Variants in CC2D2B observed in about 807,000 individuals in gnomAD.
CC2D2B encodes coiled-coil and C2 domain containing 2B.
In CC2D2B, 128 loss-of-function variants were observed where a neutral mutation model predicts 161.2. The ratio of observed to expected loss-of-function variants is 0.79; its 90% CI spans 0.69 to 0.92. The LOEUF is 0.92. CC2D2B is among the 40% of genes least tolerant of loss of function. The probability of loss-of-function intolerance (pLI) is 0.00; values close to 1 mark genes in which losing one functional copy is unlikely to be tolerated. For missense variants in CC2D2B, 1,173 were observed against 1,375.1 expected, an observed-to-expected ratio of 0.85 and a Z score of 2.32; for synonymous variants, 391 against 449.8, an observed-to-expected ratio of 0.87 and a Z score of 1.65.
chr10:95,975,420 G>T lies in CC2D2B; in HGVS notation c.1943+1264G>T, dbSNP rs952177563. 3.3e-5 allele frequency among the ~76,000 whole-genome samples: 5 copies of T among 152,218 alleles called. 1 individual carries two copies. Among genetic ancestry groups the T allele is most frequent in the Admixed American group, 3.3e-4 (5 of 15,294 alleles). On this transcript the variant is annotated intron_variant, in intron 17 of 34. Transcript: ENST00000646931. ...TATGGACGAAACTGACATAGTGGGGGTAGTTTACTTACCAAGGAGTTTGAC... is the reference window on the plus strand; with the variant it reads ...TATGGACGAAACTGACATAGTGGGGTTAGTTTACTTACCAAGGAGTTTGAC...
chr10:96,025,170 T>TAAAAAAAAAAAA (rs1564683762), intron 33 of CC2D2B, among the ~76,000 whole-genome samples: 10 of 19,308 alleles, frequency 5.2e-4, no homozygotes, highest in East Asian at 2.0e-3. Context: ...TATATATATA[T>TAAAAAAAAAAAA]ATATATATAT....
Position 95,938,033 on chromosome 10 carries a change from G to A in CC2D2B, c.379G>A (p.Val127Ile). The change falls in exon 7 of 35, where the codon GTT becomes ATT. Residue 127 changes from valine (V) to isoleucine (I), a missense_variant. Val to Ile is a conservative substitution (Grantham distance 29). Coordinates refer to ENST00000646931, the MANE Select transcript of CC2D2B (RefSeq NM_001349008.3). ...TTATCCCAAATGCTTTTCACTTGGTGTTAATTTACAAAATGTTGCTGAGAG... is the reference window on the plus strand; with the variant it reads ...TTATCCCAAATGCTTTTCACTTGGTATTAATTTACAAAATGTTGCTGAGAG... Reference protein sequence around the residue: ...RSYPKCFSLGVNLQNVAESEE... With the variant: ...RSYPKCFSLGINLQNVAESEE... The A allele has an allele frequency of 6.4e-7, 1 of 1,551,082 alleles. No individual in the cohort carries two copies. Among genetic ancestry groups the A allele is most frequent in the Non-Finnish European group, 8.7e-7 (1 of 1,146,558 alleles).
intron 18 of CC2D2B, among the ~76,000 whole-genome samples, chr10:95,982,680 TG>T (rs1165852352): frequency 2.0e-5 from 3 of 152,256 alleles, no homozygotes; most frequent in African/African-American, 7.2e-5. Flanking sequence ...CTTGCTTTCC[TG>T]TTAACCTTTC....
At chr10:95,933,789 G>A (rs1008634537) in intron 6 of CC2D2B, among the ~76,000 whole-genome samples, 5 of 152,232 alleles carry the variant, frequency 3.3e-5, no homozygotes, top group Middle Eastern at 3.4e-3. Context: ...AGATGCCAGC[G>A]GAGCTCTCCT....
chr10:96,003,402 A>T (rs1331886642), intron 24 of CC2D2B, among the ~76,000 whole-genome samples: 1 of 143,648 alleles, frequency 7.0e-6, no homozygotes, highest in Admixed American at 7.2e-5. Context: ...TGGGAAAGAG[A>T]ATAAATTCCG....
At chr10:95,927,687 T>C (rs1235610438) in intron 6 of CC2D2B, among the ~76,000 whole-genome samples, 2 of 151,152 alleles carry the variant, frequency 1.3e-5, no homozygotes, top group East Asian at 3.9e-4. Context: ...TGTTTTCTTT[T>C]TTCTTTCTTT....
rs1217537163 is a variant in CC2D2B, at chr10:96,032,783, C to CT, written c.*776dup. The CT allele has an allele frequency of 1.7e-5, 8 of 470,158 alleles. No individual in the cohort carries two copies. Among genetic ancestry groups the CT allele is most frequent in the South Asian group, 3.1e-5 (2 of 64,352 alleles). The allele number at this position is 470,158 out of a possible 1,614,324, so 29.1% of individuals were successfully genotyped here. ...ATTTGGAAGGAACTCCCAGGAAACT[C>CT]TAATTTCTCCCAATTCTGTGAGGGA... is the stretch of plus-strand genomic sequence containing the variant. On this transcript the variant is annotated 3_prime_UTR_variant, in exon 35 of 35. Coordinates refer to ENST00000646931, the MANE Select transcript of CC2D2B (RefSeq NM_001349008.3).
intron 17 of CC2D2B, among the ~76,000 whole-genome samples, chr10:95,981,750 G>A (rs554354298): frequency 9.9e-5 from 15 of 152,196 alleles, no homozygotes; most frequent in African/African-American, 3.6e-4. Context: ...TAAGGTTATT[G>A]TCTCTTATAA....
intron 16 of CC2D2B, among the ~76,000 whole-genome samples, chr10:95,972,838 C>T (rs2077182972): frequency 6.6e-6 from 1 of 151,940 alleles, no homozygotes; most frequent in South Asian, 2.1e-4. Context: ...AGTGAACCTA[C>T]AGGTGCTCGC....
rs1281249299 is a variant in CC2D2B at position 96,011,792 on chromosome 10, G to A, written c.3046-393G>A. ...ACACACACACAATTTCTCCTACTGTGGACCTCAGGGTTGTCTTTCTTGCTG... is the reference window on the plus strand; with the variant it reads ...ACACACACACAATTTCTCCTACTGTAGACCTCAGGGTTGTCTTTCTTGCTG... On this transcript the variant is annotated intron_variant, in intron 26 of 34. Transcript: ENST00000646931. 2.0e-5 allele frequency among the ~76,000 whole-genome samples: 3 copies of A among 151,626 alleles called. No homozygotes were observed. In the South Asian group the frequency reaches 6.2e-4, roughly 32 times the overall value.
chr10:96,008,668 T>C (rs2141835970), intron 25 of CC2D2B, among the ~76,000 whole-genome samples: 1 of 152,282 alleles, frequency 6.6e-6, no homozygotes, highest in South Asian at 2.1e-4. Flanking sequence ...CACCCTTCCA[T>C]GTAAATATTT....
At chr10:95,912,826 ATT>A (rs1285815737) in intron 2 of CC2D2B, among the ~76,000 whole-genome samples, 2 of 152,024 alleles carry the variant, frequency 1.3e-5, no homozygotes, top group Non-Finnish European at 2.9e-5. Context: ...GAAATTTTTA[ATT>A]TTTATGGATA....
At chr10:95,993,998 A>ATG (rs2078126368) in intron 22 of CC2D2B, among the ~76,000 whole-genome samples, 3 of 115,650 alleles carry the variant, frequency 2.6e-5, no homozygotes, top group Admixed American at 1.9e-4. Flanking sequence ...ATATATATAT[A>ATG]GTACAGTCCA....
chr10:95,910,672 A>G (rs995893020), intron 1 of CC2D2B, among the ~76,000 whole-genome samples: 1 of 152,222 alleles, frequency 6.6e-6, no homozygotes, highest in Non-Finnish European at 1.5e-5. Flanking sequence ...ATAGATCTCT[A>G]GTATCTATTA....
intron 11 of CC2D2B, among the ~76,000 whole-genome samples, chr10:95,956,676 G>C (rs1008559817): frequency 2.6e-5 from 4 of 151,878 alleles, no homozygotes; most frequent in African/African-American, 9.7e-5. Flanking sequence ...TATCTGCAAG[G>C]GATTGGTTCC....
chr10:95,947,082 A>AAAAAATATATATATATAT (rs1467752343), intron 9 of CC2D2B, among the ~76,000 whole-genome samples: 1 of 39,482 alleles, frequency 2.5e-5, no homozygotes, highest in African/African-American at 8.9e-5. Flanking sequence ...TGGACTCAAA[A>AAAAAATATATATATATAT]ATATATATAT....
intron 28 of CC2D2B, 125 bp downstream of exon 28, chr10:96,012,854 T>C (rs1368434350): frequency 1.5e-6 from 1 of 647,912 alleles, no homozygotes; most frequent in East Asian, 2.7e-5. Flanking sequence ...TTTGTACTGT[T>C]TGTGAGTCAT....
chr10:95,973,952 A>G, intron 16 of CC2D2B, 57 bp from the exon 17 acceptor site: 2 of 1,038,170 alleles, frequency 1.9e-6, no homozygotes, highest in Non-Finnish European at 2.5e-6. Context: ...AAAACCCACA[A>G]TGTGCTTCAA....
In CC2D2B at chr10:95,912,441, C is replaced by G. The variant is rs116167512; in HGVS notation, c.36+1082C>G. Among the ~76,000 whole-genome samples, 1,471 of 152,178 alleles carry G rather than the reference C, an allele frequency of 9.7e-3. 29 individuals are homozygous for G. Among genetic ancestry groups the G allele is most frequent in the African/African-American group, 0.034 (1,397 of 41,498 alleles). On this transcript the variant is annotated intron_variant, in intron 2 of 34. Coordinates refer to ENST00000646931, the MANE Select transcript of CC2D2B (RefSeq NM_001349008.3). ...CTTAGGAGAGTGAAGGCTGGAGACA[C>G]AGATTTGGGAATCCATGGGAATATG... is the stretch of plus-strand genomic sequence containing the variant.
Sources: gnomAD v4.1 joint callset for allele counts (sites outside exome capture counted in the v4.1 genomes callset) on GRCh38, gnomAD v4.1.1 for gene constraint, MANE v1.5 for transcripts, NCBI Gene and HGNC (gene_info 2026-07-23, HGNC 2026-07-21) for gene names.